The following PRIMA1 variants were observed in gnomAD, a reference collection of about 807,000 sequenced individuals.
The protein encoded by PRIMA1 is proline-rich membrane anchor 1.
PRIMA1 carries 7 observed loss-of-function variants against 17.5 expected under a neutral mutation model. The ratio of observed to expected loss-of-function variants is 0.40; its 90% CI spans 0.23 to 0.75. The LOEUF (loss-of-function observed/expected upper bound fraction) is 0.75, where lower values mean the gene tolerates loss of function less well. Among genes scored for constraint, PRIMA1 ranks in the 30% least tolerant of loss-of-function variants. The pLI, the probability that PRIMA1 is intolerant of heterozygous loss-of-function variation, is 0.37. For missense variants in PRIMA1, 200 were observed against 201.8 expected (o/e 0.99, Z 0.05); for synonymous variants, 97 against 77.9 (o/e 1.25, Z -1.29).
chr14:93,736,688 T>C (rs2076152404), intron 4 of PRIMA1, among the ~76,000 whole-genome samples: 1 of 152,282 alleles, frequency 6.6e-6, no homozygotes, highest in Admixed American at 6.5e-5. Context: ...TTTACCTTGA[T>C]ATTTTACTTT....
intron 3 of PRIMA1, among the ~76,000 whole-genome samples, chr14:93,747,759 A>G (rs2076229744): frequency 6.9e-6 from 1 of 144,526 alleles, no homozygotes; most frequent in Admixed American, 6.9e-5. Flanking sequence ...GTGGAGTGCA[A>G]GTGTGTGGGA....
In PRIMA1 at chr14:93,787,721, C is replaced by CGGCCA; in HGVS notation, c.-8_-4dup. The CGGCCA allele has an allele frequency of 6.5e-7, 1 of 1,542,696 alleles. No homozygotes were observed. Among genetic ancestry groups the CGGCCA allele is most frequent in the Non-Finnish European group, 8.7e-7 (1 of 1,146,460 alleles). On this transcript the variant is annotated 5_prime_UTR_variant, in exon 2 of 5. Coordinates refer to ENST00000393140, the MANE Select transcript of PRIMA1 (RefSeq NM_178013.4). The stretch of plus-strand genomic sequence containing the variant: ...AGCACCAAGTCCCGGAGGAGCATCT[C>CGGCCA]GGCCAGCGGCGCCCGCTCCTGGGGC...
At chr14:93,740,949 T>G (rs1418695894) in intron 3 of PRIMA1, among the ~76,000 whole-genome samples, 1 of 152,214 alleles carries the variant, frequency 6.6e-6, no homozygotes, top group African/African-American at 2.4e-5. Flanking sequence ...AGTGGGAATT[T>G]TCTTTTGCTA....
intron 4 of PRIMA1, among the ~76,000 whole-genome samples, chr14:93,730,366 G>A (rs952387228): frequency 9.9e-5 from 15 of 152,220 alleles, no homozygotes; most frequent in African/African-American, 3.4e-4. Context: ...CTCTATACTC[G>A]TCCAGGATGA....
At chr14:93,787,200 A>C (rs1037951918) in intron 2 of PRIMA1, among the ~76,000 whole-genome samples, 5 of 152,206 alleles carry the variant, frequency 3.3e-5, no homozygotes, top group African/African-American at 1.2e-4. Context: ...CAACTCTGAT[A>C]CCTATAAGAA....
chr14:93,768,851 G>A (rs1227612658), intron 3 of PRIMA1, among the ~76,000 whole-genome samples: 6 of 150,102 alleles, frequency 4.0e-5, no homozygotes, highest in Admixed American at 4.0e-4. Context: ...TGTCGCCCAG[G>A]CTGGAGTGCA....
Position 93,718,350 on chromosome 14 carries a change from A to G in PRIMA1, c.*3094T>C, listed in dbSNP as rs1443378556. On this transcript the variant is annotated 3_prime_UTR_variant, in exon 5 of 5. Coordinates refer to ENST00000393140, the MANE Select transcript of PRIMA1 (RefSeq NM_178013.4). ...AAAAAGTCATGGTGCTTTCTTCCTC[A>G]TAAGTGGCATATGGACACCCCCAGT... The G allele has an allele frequency of 2.0e-5, 3 of 152,238 alleles. No individual in the cohort carries two copies. Among genetic ancestry groups the G allele is most frequent in the South Asian group, 2.1e-4 (1 of 4,816 alleles). The allele number at this position is 152,238 out of a possible 1,614,324, so 9.4% of individuals were successfully genotyped here.
At chr14:93,764,547 C>T (rs1376911200) in intron 3 of PRIMA1, among the ~76,000 whole-genome samples, 1 of 152,150 alleles carries the variant, frequency 6.6e-6, no homozygotes, top group African/African-American at 2.4e-5. Context: ...ACTGCGTCAT[C>T]CTCAGTCTGT....
chr14:93,758,552 T>C (rs1423735278), intron 3 of PRIMA1, among the ~76,000 whole-genome samples: 2 of 142,624 alleles, frequency 1.4e-5, no homozygotes, highest in African/African-American at 5.3e-5. Flanking sequence ...TGAGCCAAGA[T>C]TGCACCACTG....
chr14:93,741,420 A>G (rs1478137396), intron 3 of PRIMA1, among the ~76,000 whole-genome samples: 2 of 152,168 alleles, frequency 1.3e-5, no homozygotes, highest in Non-Finnish European at 2.9e-5. Context: ...GTGCTAAGAC[A>G]GCTTACATGT....
chr14:93,760,213 G>A (rs574060991), intron 3 of PRIMA1, among the ~76,000 whole-genome samples: 19 of 152,274 alleles, frequency 1.2e-4, no homozygotes, highest in African/African-American at 4.6e-4. Context: ...ACACACACAT[G>A]AGCGGGGAAC....
At position 93,743,385 on chromosome 14, in the gene PRIMA1, T is replaced by C. The variant is rs116134861; in HGVS notation, c.230-6015A>G. Among the ~76,000 whole-genome samples the C allele has an allele frequency of 8.5e-3, 1,294 of 152,332 alleles. 17 individuals are homozygous for C. The highest frequency in any genetic ancestry group is 0.029 in the African/African-American group (1,207 of 41,570). On this transcript the variant is annotated intron_variant, in intron 3 of 4. Coordinates refer to ENST00000393140, the MANE Select transcript of PRIMA1 (RefSeq NM_178013.4). ...AGCTTCCTGACTGTTCCCCAGGAGC[T>C]GAAAGGACCTGGCGCTTCACTGGCC...
At chr14:93,782,689 A>G (rs1158221638) in intron 2 of PRIMA1, among the ~76,000 whole-genome samples, 1 of 152,234 alleles carries the variant, frequency 6.6e-6, no homozygotes, top group Non-Finnish European at 1.5e-5. Flanking sequence ...AAATGTGAGC[A>G]GGCACAATTG....
In PRIMA1 at chr14:93,779,224, G is replaced by GGGGGGGGGGGGGC; in HGVS notation, c.180_181insGCCCCCCCCCCCC (p.Pro61AlafsTer30). 1 of 1,134,022 alleles carries GGGGGGGGGGGGGC rather than the reference G, an allele frequency of 8.8e-7. No individual in the cohort carries two copies. Among genetic ancestry groups the GGGGGGGGGGGGGC allele is most frequent in the Non-Finnish European group, 1.2e-6 (1 of 835,572 alleles). The allele number at this position is 1,134,022 out of a possible 1,614,324, so 70.2% of individuals were successfully genotyped here. The stretch of plus-strand genomic sequence containing the variant: ...GGTGGCGGGGGTGGGGGCGGCGGGG[G>GGGGGGGGGGGGGC]CAGCGGGGGAGGGGGCCGGCACTGG... On this transcript the variant is annotated frameshift_variant, in exon 3 of 5. Coordinates refer to ENST00000393140, the MANE Select transcript of PRIMA1 (RefSeq NM_178013.4). LOFTEE classifies it high-confidence loss of function.
chr14:93,761,144 G>A (rs980081826), intron 3 of PRIMA1, among the ~76,000 whole-genome samples: 1 of 151,990 alleles, frequency 6.6e-6, no homozygotes, highest in Non-Finnish European at 1.5e-5. Flanking sequence ...CTAGGAGCTC[G>A]ACATCAGTCT....
In PRIMA1 at chr14:93,719,224, C is replaced by G. The variant is rs929771367; in HGVS notation, c.*2220G>C. On this transcript the variant is annotated 3_prime_UTR_variant, in exon 5 of 5. Transcript: ENST00000393140. The stretch of plus-strand genomic sequence containing the variant: ...AGCGGCTCAGGGAAGAGGATACAGG[C>G]CCCAAAACGTGGTGATGGCTCAGCT... 7 of 152,228 alleles carry G rather than the reference C, an allele frequency of 4.6e-5. No homozygotes were observed. Among genetic ancestry groups the G allele is most frequent in the African/African-American group, 1.7e-4 (7 of 41,448 alleles). 9.4% of individuals were successfully genotyped at this position (152,228 alleles called of 1,614,324 possible).
chr14:93,738,208 T>A (rs1213928485), intron 3 of PRIMA1, among the ~76,000 whole-genome samples: 2 of 152,146 alleles, frequency 1.3e-5, no homozygotes, highest in East Asian at 1.9e-4. Context: ...GTCCTTGGGG[T>A]GAACCTGTCC....
intron 3 of PRIMA1, among the ~76,000 whole-genome samples, chr14:93,738,005 A>T (rs902803845): frequency 4.6e-5 from 7 of 152,274 alleles, no homozygotes; most frequent in Admixed American, 4.6e-4. Context: ...GAAAGGGAGG[A>T]CTGCCAATGT....
intron 4 of PRIMA1, among the ~76,000 whole-genome samples, chr14:93,734,699 A>G (rs556417219): frequency 5.3e-5 from 8 of 151,608 alleles, no homozygotes; most frequent in African/African-American, 1.9e-4. Context: ...CCACATAAGG[A>G]TCCCCGCCCA....
Sources: allele counts gnomAD v4.1 joint callset (sites outside exome capture counted in the v4.1 genomes callset), GRCh38; gene constraint gnomAD v4.1.1; transcripts MANE v1.5; gene names NCBI Gene and HGNC (gene_info 2026-07-23, HGNC 2026-07-21).